The following FBXO34 variants were observed in gnomAD, a reference collection of about 807,000 sequenced individuals.
The protein encoded by FBXO34 is F-box only protein 34.
A neutral mutation model predicts 24.5 loss-of-function variants in FBXO34; 12 were observed. The ratio of observed to expected loss-of-function variants is 0.49; its 90% CI spans 0.31 to 0.79. The LOEUF (loss-of-function observed/expected upper bound fraction) is 0.79. Ranked by LOEUF, FBXO34 falls within the 30% of genes least tolerant of loss-of-function variation. The pLI is 0.04. For missense variants in FBXO34, 823 were observed against 857.7 expected, an observed-to-expected ratio of 0.96 and a Z score of 0.51; for synonymous variants, 320 against 311.9, an observed-to-expected ratio of 1.03 and a Z score of -0.27.
At chr14:55,412,823 C>CA in the FBXO34 span, among the ~76,000 whole-genome samples, 1,836 of 152,254 alleles carry the variant, frequency 0.012, 10 homozygotes, top group Middle Eastern at 0.024. Flanking sequence ...ACCACAAACT[C>CA]AAAGTGTTGG....
rs1882069537 is a variant in FBXO34 at position 55,294,944 on chromosome 14, C to G, written c.-11+23407C>G. On this transcript the variant is annotated intron_variant, in intron 1 of 1. Transcript: ENST00000313833. Reference sequence around the variant, plus strand: ...TACCAAATATCATAGCTTAGCCTAGCCTACCTTAAACATTCTTAGAATATG... The same window carrying G: ...TACCAAATATCATAGCTTAGCCTAGGCTACCTTAAACATTCTTAGAATATG... Among the ~76,000 whole-genome samples, 6 of 152,278 alleles carry G rather than the reference C, an allele frequency of 3.9e-5. No homozygotes were observed. In the South Asian group the frequency reaches 1.2e-3, roughly 32 times the overall value.
At chr14:55,388,700 C>A in the FBXO34 span, among the ~76,000 whole-genome samples, 2 of 152,174 alleles carry the variant, frequency 1.3e-5, no homozygotes, top group Non-Finnish European at 2.9e-5. Flanking sequence ...CAACAACAAG[C>A]TCTTAAGCAT....
In FBXO34 at chr14:55,350,520, A is replaced by G. The variant is rs771669193; in HGVS notation, c.130A>G (p.Thr44Ala). ...NDETCKASHI[T>A]SSVFPSASLG... ...TGAAACATGCAAAGCTAGCCACATA[A>G]CATCAAGTGTCTTTCCTTCAGCCTC... Residue 44 changes from threonine to alanine, a missense_variant, in exon 2 of 2, where the codon ACA becomes GCA. Thr to Ala is a moderately conservative substitution (Grantham distance 58). Around this residue, in one of 2 missense-constraint regions of FBXO34, gnomAD observed 693 missense variants for 659.1 expected, o/e 1.05. Transcript: ENST00000313833. 5 of 1,613,944 alleles carry G rather than the reference A, an allele frequency of 3.1e-6. No homozygotes were observed. In the East Asian group the frequency reaches 1.1e-4, roughly 36 times the overall value.
At chr14:55,355,597 A>T (rs1327164654), downstream of FBXO34, among the ~76,000 whole-genome samples, 2 of 152,226 alleles carry the variant, frequency 1.3e-5, no homozygotes, top group African/African-American at 4.8e-5. Flanking sequence ...TACATTAGGT[A>T]TTATAAGCAA....
chr14:55,334,402 A>G (rs1883702409), intron 1 of FBXO34, among the ~76,000 whole-genome samples: 1 of 152,126 alleles, frequency 6.6e-6, no homozygotes, highest in South Asian at 2.1e-4. Flanking sequence ...TGGACACAGA[A>G]AAGAATAAGA....
the FBXO34 span, among the ~76,000 whole-genome samples, chr14:55,428,188 G>GGC: frequency 7.4e-6 from 1 of 134,306 alleles, no homozygotes; most frequent in Non-Finnish European, 1.5e-5. Flanking sequence ...GGAGTCCAGT[G>GGC]GCGCGAGGTC....
chr14:55,413,833 T>A, the FBXO34 span: 2 of 392,486 alleles, frequency 5.1e-6, no homozygotes, highest in African/African-American at 4.2e-5. Context: ...CTTGCCCTTG[T>A]TTACAATGCC....
At chr14:55,402,893 CAAAAAAAAAAAAAAAAAAAAAAAA>C in the FBXO34 span, among the ~76,000 whole-genome samples, 1 of 11,100 alleles carries the variant, frequency 9.0e-5, no homozygotes, top group Non-Finnish European at 1.6e-4. Flanking sequence ...TCCATCTCTA[CAAAAAAAAAAAAAAAAAAAAAAAA>C]AAAAAAAAAA....
the FBXO34 span, chr14:55,395,817 A>T: frequency 1.8e-5 from 10 of 562,462 alleles, no homozygotes; most frequent in African/African-American, 2.0e-4. Context: ...CCACGCTACA[A>T]GTGGATTAAG....
At chr14:55,299,001 A>T (rs1021386639) in intron 1 of FBXO34, 256 of 1,608,940 alleles carry the variant, frequency 1.6e-4, no homozygotes, top group Non-Finnish European at 2.1e-4. Flanking sequence ...TGATGAGTTA[A>T]TGCAGGACAT....
chr14:55,436,783 C>G, the FBXO34 span: 1 of 1,614,224 alleles, frequency 6.2e-7, no homozygotes, highest in South Asian at 1.1e-5. Context: ...ACTTTGTGGA[C>G]TTTGGCTTTC....
chr14:55,387,011 T>C, the FBXO34 span, among the ~76,000 whole-genome samples: 1 of 152,222 alleles, frequency 6.6e-6, no homozygotes, highest in South Asian at 2.1e-4. Context: ...CCATTTCCAG[T>C]CCAAGTCTGT....
chr14:55,271,663 G>T (rs1881148130), intron 1 of FBXO34, 126 bp downstream of exon 1: 1 of 149,160 alleles, frequency 6.7e-6, no homozygotes, highest in South Asian at 2.1e-4. Context: ...GGGCGGGTGG[G>T]GGTGGGGGCG....
chr14:55,399,208 G>C, the FBXO34 span, among the ~76,000 whole-genome samples: 4 of 152,022 alleles, frequency 2.6e-5, no homozygotes, highest in Admixed American at 1.3e-4. Flanking sequence ...AACAGAAAAA[G>C]CAAATAGGCA....
the FBXO34 span, among the ~76,000 whole-genome samples, chr14:55,425,432 A>C: frequency 0.2 from 31,152 of 152,042 alleles, 4,981 homozygotes; most frequent in African/African-American, 0.45. Flanking sequence ...AGAAAACAAA[A>C]ACTTTGGTAT....
At chr14:55,376,434 G>A in the FBXO34 span, among the ~76,000 whole-genome samples, 1 of 152,200 alleles carries the variant, frequency 6.6e-6, no homozygotes, top group African/African-American at 2.4e-5. Flanking sequence ...ACCAATGAAT[G>A]GGATCAGGGG....
the FBXO34 span, among the ~76,000 whole-genome samples, chr14:55,430,278 T>C: frequency 6.6e-6 from 1 of 152,184 alleles, no homozygotes; most frequent in South Asian, 2.1e-4. Flanking sequence ...CTTGTTTGCC[T>C]GGACTAAAGC....
chr14:55,345,683 C>T (rs1319069878), intron 1 of FBXO34, among the ~76,000 whole-genome samples: 2 of 152,138 alleles, frequency 1.3e-5, no homozygotes, highest in Non-Finnish European at 1.5e-5. Flanking sequence ...GTGTCTAGCC[C>T]AGAGCGGTTA....
At chr14:55,386,413 A>G in the FBXO34 span, among the ~76,000 whole-genome samples, 1 of 152,238 alleles carries the variant, frequency 6.6e-6, no homozygotes, top group East Asian at 1.9e-4. Flanking sequence ...GCACCAAAGA[A>G]TAGTCACATT....
Sources: allele counts gnomAD v4.1 joint callset (sites outside exome capture counted in the v4.1 genomes callset), GRCh38; gene constraint gnomAD v4.1.1; regional missense constraint gnomAD v4.1.1; transcripts MANE v1.5; gene names NCBI Gene and HGNC (gene_info 2026-07-23, HGNC 2026-07-21).